The following CERS3 variants were observed in gnomAD, a reference collection of about 807,000 sequenced individuals.
CERS3 encodes the protein LAG1 homolog, ceramide synthase 3.
CERS3 carries 33 observed loss-of-function variants against 50.3 expected under a neutral mutation model. The ratio of observed to expected loss-of-function variants is 0.66; its 90% confidence interval spans 0.50 to 0.88. CERS3 has a LOEUF of 0.88. Among genes scored for constraint, CERS3 ranks in the 40% least tolerant of loss-of-function variants. The probability of loss-of-function intolerance (pLI) is 0.00; values close to 1 mark genes in which losing one functional copy is unlikely to be tolerated. For missense variants in CERS3, 470 were observed against 460.3 expected (o/e 1.02, Z -0.19); for synonymous variants, 176 against 155.2 (o/e 1.13, Z -0.99).
In CERS3 at chr15:100,432,203, G is replaced by T. The variant is rs145357941; in HGVS notation, c.999+23690C>A. On this transcript the variant is annotated intron_variant, in intron 11 of 11. Transcript: ENST00000679737. ...CTGCCTCAGCCTCCCAAACAGCTAG[G>T]ACTACAAATATGTACCACCACTCCT... Among the ~76,000 whole-genome samples, 153 of 152,054 alleles carry T rather than the reference G, an allele frequency of 1.0e-3. 1 individual carries two copies. Among genetic ancestry groups the T allele is most frequent in the African/African-American group, 3.5e-3 (144 of 41,444 alleles).
intron 4 of CERS3, among the ~76,000 whole-genome samples, chr15:100,489,563 G>C (rs574267898): frequency 5.3e-5 from 8 of 152,086 alleles, no homozygotes; most frequent in Non-Finnish European, 8.8e-5. Context: ...TTTATACAAA[G>C]TATTACTAAA....
In CERS3 at chr15:100,467,846, T is replaced by TAGATAGATAGATAGATAG. The variant is rs1555528317; in HGVS notation, c.845+1531_845+1532insCTATCTATCTATCTATCT. Among the ~76,000 whole-genome samples, 34 of 39,088 alleles carry TAGATAGATAGATAGATAG rather than the reference T, an allele frequency of 8.7e-4. No homozygotes were observed. In the East Asian group the frequency reaches 0.022, roughly 26 times the overall value. The allele number at this position is 39,088 out of a possible 152,430, so 25.6% of individuals were successfully genotyped here. A position where few individuals can be genotyped will look rare whatever the true frequency, so the allele number is the denominator to read the frequency against. ...GTGTATATATATACGTGTATATATA[T>TAGATAGATAGATAGATAG]ATATATAGATAGATAGATAGATAGA... On this transcript the variant is annotated intron_variant, in intron 10 of 11. Coordinates refer to ENST00000679737, the MANE Select transcript of CERS3 (RefSeq NM_001378789.1).
chr15:100,463,357 C>T (rs1468997789), intron 10 of CERS3, among the ~76,000 whole-genome samples: 4 of 149,186 alleles, frequency 2.7e-5, no homozygotes, highest in Non-Finnish European at 1.5e-5. Context: ...ATCGCTTGAA[C>T]CCGGGAAGCA....
chr15:100,529,815 G>C (rs1053327324), upstream of CERS3, among the ~76,000 whole-genome samples: 5 of 152,164 alleles, frequency 3.3e-5, no homozygotes, highest in African/African-American at 4.8e-5. Context: ...CCCACACTGA[G>C]AGCCTGATTC....
chr15:100,502,471 T>C (rs2036041999), intron 2 of CERS3, among the ~76,000 whole-genome samples: 1 of 152,154 alleles, frequency 6.6e-6, no homozygotes, highest in South Asian at 2.1e-4. Flanking sequence ...ATTTTCTTTG[T>C]GTATGATTCT....
chr15:100,466,254 G>C (rs1318896375), intron 10 of CERS3, among the ~76,000 whole-genome samples: 1 of 136,384 alleles, frequency 7.3e-6, no homozygotes, highest in African/African-American at 2.6e-5. Flanking sequence ...GGGTAAGTAA[G>C]CTTGCTTGTT....
At chr15:100,504,131 G>A (rs534897014) in intron 2 of CERS3, among the ~76,000 whole-genome samples, 25 of 151,978 alleles carry the variant, frequency 1.6e-4, no homozygotes, top group Non-Finnish European at 2.2e-4. Flanking sequence ...AGATAATTCC[G>A]TACCTCATCT....
At position 100,481,983 on chromosome 15, in the gene CERS3, G is replaced by A. The variant is rs190910542; in HGVS notation, c.408-1937C>T. ...ATGAAATTGCACTGATGAAACGTGC[G>A]CTTGTGTAGTCTCCTGTTTTATAAA... On this transcript the variant is annotated intron_variant, in intron 5 of 11. Coordinates refer to ENST00000679737, the MANE Select transcript of CERS3 (RefSeq NM_001378789.1). Among the ~76,000 whole-genome samples, 34 of 152,274 alleles carry A rather than the reference G, an allele frequency of 2.2e-4. No individual in the cohort carries two copies. In the East Asian group the frequency reaches 6.0e-3, roughly 27 times the overall value.
upstream of CERS3, among the ~76,000 whole-genome samples, chr15:100,532,861 T>C (rs1472753519): frequency 6.6e-6 from 1 of 152,210 alleles, no homozygotes; most frequent in African/African-American, 2.4e-5. Context: ...TCAAGGGACA[T>C]GACTTAGCCA....
chr15:100,439,446 G>C (rs2033580566), intron 11 of CERS3, among the ~76,000 whole-genome samples: 1 of 152,064 alleles, frequency 6.6e-6, no homozygotes. Flanking sequence ...AGTTTTCCAT[G>C]TGTAAGGAAT....
chr15:100,509,226 T>C (rs1015015237), intron 2 of CERS3, among the ~76,000 whole-genome samples: 15 of 152,226 alleles, frequency 9.9e-5, no homozygotes, highest in African/African-American at 3.6e-4. Flanking sequence ...GCCATTCCAT[T>C]CGAACTTAGG....
chr15:100,414,909 T>C (rs1037281771), intron 11 of CERS3, among the ~76,000 whole-genome samples: 1 of 150,182 alleles, frequency 6.7e-6, no homozygotes, highest in African/African-American at 2.4e-5. Flanking sequence ...CAAAAGCAAT[T>C]GCAACAAAAG....
At chr15:100,488,812 C>G (rs1403781179) in intron 4 of CERS3, among the ~76,000 whole-genome samples, 1 of 148,134 alleles carries the variant, frequency 6.8e-6, no homozygotes, top group Non-Finnish European at 1.5e-5. Flanking sequence ...GAGTCTCACT[C>G]TGTCACCAGG....
upstream of CERS3, among the ~76,000 whole-genome samples, chr15:100,530,164 A>G (rs55911844): frequency 0.064 from 9,767 of 152,298 alleles, 345 homozygotes; most frequent in Admixed American, 0.099. Context: ...AGGTAGGCTC[A>G]GTTCAGGTCT....
chr15:100,474,732 T>C (rs2035072862), intron 8 of CERS3, among the ~76,000 whole-genome samples: 1 of 152,244 alleles, frequency 6.6e-6, no homozygotes, highest in South Asian at 2.1e-4. Context: ...GATTAACCTG[T>C]TTAATTCCCA....
At chr15:100,418,014 C>G (rs796390678) in intron 11 of CERS3, among the ~76,000 whole-genome samples, 1 of 152,224 alleles carries the variant, frequency 6.6e-6, no homozygotes, top group East Asian at 1.9e-4. Context: ...AACTCTAAAA[C>G]GCAGAGCACC....
At chr15:100,514,433 T>C (rs1255625806) in intron 2 of CERS3, among the ~76,000 whole-genome samples, 1 of 152,168 alleles carries the variant, frequency 6.6e-6, no homozygotes, top group Admixed American at 6.5e-5. Context: ...ACTATCCTTT[T>C]GGAAACTAGA....
intron 11 of CERS3, among the ~76,000 whole-genome samples, chr15:100,451,130 C>T (rs2034146163): frequency 6.6e-6 from 1 of 151,726 alleles, no homozygotes; most frequent in Non-Finnish European, 1.5e-5. Context: ...ACTGGTAGAA[C>T]AAACACATAA....
At chr15:100,471,689 C>T (rs1047438224) in intron 9 of CERS3, among the ~76,000 whole-genome samples, 7 of 152,212 alleles carry the variant, frequency 4.6e-5, no homozygotes, top group African/African-American at 1.4e-4. Context: ...CAATCCTTCT[C>T]CTGCTAAGTC....
Sources: allele counts gnomAD v4.1 joint callset (sites outside exome capture counted in the v4.1 genomes callset), GRCh38; gene constraint gnomAD v4.1.1; transcripts MANE v1.5; gene names NCBI Gene and HGNC (gene_info 2026-07-23, HGNC 2026-07-21).